ORC1: variants seen among roughly 807,000 people sequenced by gnomAD.
The protein encoded by ORC1 is origin recognition complex, subunit 1 homolog.
ORC1 carries 61 observed loss-of-function variants against 98.9 expected under a neutral mutation model. That is an observed-to-expected ratio of 0.62 (90% CI 0.50 to 0.76). The LOEUF (loss-of-function observed/expected upper bound fraction) is 0.76. Ranked by LOEUF, ORC1 falls within the 30% of genes least tolerant of loss-of-function variation. The pLI, the probability that ORC1 is intolerant of heterozygous loss-of-function variation, is 0.00. For missense variants in ORC1, 979 were observed against 1,072.2 expected, an observed-to-expected ratio of 0.91 and a Z score of 1.21; for synonymous variants, 385 against 406.9, an observed-to-expected ratio of 0.95 and a Z score of 0.65.
upstream of ORC1, chr1:52,404,667 C>T: frequency 6.8e-7 from 1 of 1,476,010 alleles, no homozygotes; most frequent in Non-Finnish European, 9.2e-7. Flanking sequence ...TTCCACCTTT[C>T]TCCATTCCTC....
At chr1:52,383,380 A>C (rs764698927) in intron 13 of ORC1, 40 bp downstream of exon 13, 1 of 1,610,984 alleles carries the variant, frequency 6.2e-7, no homozygotes, top group Admixed American at 1.7e-5. Flanking sequence ...CCAAGCTTAC[A>C]GATCTGCAAG....
At chr1:52,389,131 A>T (rs1221724812) in intron 7 of ORC1, 86 bp downstream of exon 7, 1 of 987,930 alleles carries the variant, frequency 1.0e-6, no homozygotes, top group Non-Finnish European at 1.6e-6. Flanking sequence ...ATTGGCAAAT[A>T]AACAGTATAA....
At chr1:52,398,062 A>T (rs533701574) in intron 3 of ORC1, among the ~76,000 whole-genome samples, 199 bp from the exon 4 acceptor site, 2 of 144,294 alleles carry the variant, frequency 1.4e-5, no homozygotes, top group African/African-American at 5.2e-5. Context: ...CTCCTGGGTT[A>T]AAGTGATTCT....
At chr1:52,406,242 C>G (rs527603169), upstream of ORC1, among the ~76,000 whole-genome samples, 7 of 151,978 alleles carry the variant, frequency 4.6e-5, no homozygotes, top group South Asian at 4.1e-4. Context: ...CCTCCCCCCC[C>G]GGGCCTCCCA....
chr1:52,392,187 T>C (rs1647226395), intron 6 of ORC1, among the ~76,000 whole-genome samples: 1 of 151,632 alleles, frequency 6.6e-6, no homozygotes, highest in Admixed American at 6.6e-5. Context: ...TGGAGTGCAG[T>C]GGCGCGACCT....
intron 14 of ORC1, among the ~76,000 whole-genome samples, chr1:52,380,777 A>G (rs1647059579): frequency 6.6e-6 from 1 of 152,170 alleles, no homozygotes; most frequent in African/African-American, 2.4e-5. Context: ...TAGATAGCAT[A>G]ATAGCAAAAG....
chr1:52,377,703 C>CA (rs58266239), intron 14 of ORC1, among the ~76,000 whole-genome samples: 3,615 of 58,540 alleles, frequency 0.062, 110 homozygotes, highest in East Asian at 0.092. Flanking sequence ...CCCCTAGAAG[C>CA]AAAAAAAAAA....
intron 13 of ORC1, 149 bp downstream of exon 13, chr1:52,383,271 A>C (rs1291285602): frequency 1.2e-6 from 1 of 814,728 alleles, no homozygotes; most frequent in Non-Finnish European, 2.1e-6. Flanking sequence ...CTGGTCTTGA[A>C]CTCCTGACCT....
chr1:52,388,902 C>A (rs949018882), intron 7 of ORC1, among the ~76,000 whole-genome samples: 1 of 152,132 alleles, frequency 6.6e-6, no homozygotes, highest in Non-Finnish European at 1.5e-5. Context: ...CAAGGTTACA[C>A]AGATGGTAAA....
intron 15 of ORC1, 115 bp downstream of exon 15, chr1:52,375,315 T>C: frequency 1.1e-6 from 1 of 921,146 alleles, no homozygotes. Flanking sequence ...CTAGATAATG[T>C]CCCTATGAAA....
chr1:52,406,649 A>G (rs1648006411), upstream of ORC1, among the ~76,000 whole-genome samples: 2 of 152,212 alleles, frequency 1.3e-5, no homozygotes, highest in Non-Finnish European at 1.5e-5. Context: ...TGCATGGTAA[A>G]CACCTAGAAA....
chr1:52,379,965 T>C (rs1361953545), intron 14 of ORC1, among the ~76,000 whole-genome samples: 1 of 152,060 alleles, frequency 6.6e-6, no homozygotes, highest in Admixed American at 6.6e-5. Flanking sequence ...AGGAAATTTA[T>C]TCTCAAGCAA....
chr1:52,409,378 A>G (rs2147955860), upstream of ORC1: 1 of 152,462 alleles, frequency 6.6e-6, no homozygotes, highest in South Asian at 2.1e-4. Context: ...TAGGAGGCCA[A>G]CATGGGCAGA....
At chr1:52,380,046 T>C (rs1569911674) in intron 14 of ORC1, among the ~76,000 whole-genome samples, 1 of 152,186 alleles carries the variant, frequency 6.6e-6, no homozygotes, top group Non-Finnish European at 1.5e-5. Flanking sequence ...TTACCAAAAA[T>C]AGATGATTAC....
At chr1:52,404,608 C>T, upstream of ORC1, 2 of 825,038 alleles carry the variant, frequency 2.4e-6, no homozygotes, top group Admixed American at 2.9e-5. Flanking sequence ...CTTTACACTA[C>T]GGTGTTTCCG....
At chr1:52,404,523 A>G (rs769524038), upstream of ORC1, 4 of 480,844 alleles carry the variant, frequency 8.3e-6, no homozygotes, top group South Asian at 2.3e-5. Flanking sequence ...TACACCTAAG[A>G]GGGGCGCATG....
At chr1:52,399,688 A>G (rs1647607012) in intron 3 of ORC1, among the ~76,000 whole-genome samples, 1 of 151,146 alleles carries the variant, frequency 6.6e-6, no homozygotes, top group South Asian at 2.1e-4. Context: ...GGTGCCTGTC[A>G]TCCCAGCTAC....
At position 52,402,159 on chromosome 1, in the gene ORC1, A is replaced by G; in HGVS notation, c.65T>C (p.Leu22Ser). ...KTYSWVGRPL[L>S]DRKLHYQTYR... ...GGTTTGGTAGTGCAGTTTTCGATCCAACAAGGGCCTGCCAACCCATGAATA... is the reference window on the plus strand; with the variant it reads ...GGTTTGGTAGTGCAGTTTTCGATCCGACAAGGGCCTGCCAACCCATGAATA... The change falls in exon 2 of 17, where the codon TTG (leucine) becomes TCG (serine). Residue 22 changes from leucine (L) to serine (S), a missense_variant. Coordinates refer to ENST00000371568, the MANE Select transcript of ORC1 (RefSeq NM_004153.4). 6.2e-7 allele frequency: 1 copy of G among 1,614,204 alleles called. No homozygotes were observed. Among genetic ancestry groups the G allele is most frequent in the South Asian group, 1.1e-5 (1 of 91,086 alleles).
At chr1:52,398,668 G>A (rs574587798) in intron 3 of ORC1, among the ~76,000 whole-genome samples, 3 of 152,094 alleles carry the variant, frequency 2.0e-5, no homozygotes, top group East Asian at 3.9e-4. Flanking sequence ...TGCAAGCTCC[G>A]CCTCCCAGGT....
Sources: allele counts gnomAD v4.1 joint callset (sites outside exome capture counted in the v4.1 genomes callset), GRCh38; gene constraint gnomAD v4.1.1; transcripts MANE v1.5; gene names NCBI Gene and HGNC (gene_info 2026-07-23, HGNC 2026-07-21).